TUNAR: variants seen among roughly 807,000 people sequenced by gnomAD.
The protein encoded by TUNAR is protein TUNAR.
At chr14:95,887,104 A>G (rs1274564283) in intron 2 of TUNAR, among the ~76,000 whole-genome samples, 3 of 152,210 alleles carry the variant, frequency 2.0e-5, no homozygotes, top group African/African-American at 7.2e-5. Flanking sequence ...TTGGAGCTCT[A>G]GGGCTCCTGA....
intron 2 of TUNAR, among the ~76,000 whole-genome samples, chr14:95,907,539 C>T (rs1297400716): frequency 6.6e-6 from 1 of 152,096 alleles, no homozygotes; most frequent in Non-Finnish European, 1.5e-5. Context: ...GGTGCCTTTG[C>T]CCAAGTTCTT....
intron 2 of TUNAR, among the ~76,000 whole-genome samples, chr14:95,912,059 C>T (rs564982704): frequency 6.6e-6 from 1 of 152,270 alleles, no homozygotes; most frequent in Non-Finnish European, 1.5e-5. Context: ...TGTCACTTGG[C>T]TGGTGAGGTT....
chr14:95,876,786 C>G (rs1055920636), intron 1 of TUNAR, 46 bp from the exon 1 acceptor site: 6 of 152,212 alleles, frequency 3.9e-5, no homozygotes, highest in African/African-American at 1.4e-4. Flanking sequence ...TGCTGGCGCC[C>G]GGCCCCCGCG....
chr14:95,904,085 C>T (rs1380995792), intron 2 of TUNAR, among the ~76,000 whole-genome samples: 1 of 152,236 alleles, frequency 6.6e-6, no homozygotes, highest in Admixed American at 6.5e-5. Context: ...CTATAATCCC[C>T]CATTGCTGGG....
intron 2 of TUNAR, among the ~76,000 whole-genome samples, chr14:95,919,901 A>C (rs1889662812): frequency 6.6e-6 from 1 of 152,168 alleles, no homozygotes. Context: ...ATGTTAAAAA[A>C]CTTAATATGA....
intron 2 of TUNAR, among the ~76,000 whole-genome samples, chr14:95,879,574 C>T (rs1337029772): frequency 6.6e-6 from 1 of 152,180 alleles, no homozygotes; most frequent in East Asian, 1.9e-4. Context: ...CATCACAAAA[C>T]ATTACTCTTG....
chr14:95,893,723 G>A (rs968343466), intron 2 of TUNAR, among the ~76,000 whole-genome samples: 1 of 152,192 alleles, frequency 6.6e-6, no homozygotes, highest in African/African-American at 2.4e-5. Flanking sequence ...ACCTTCCCAG[G>A]AGCATTTGAA....
intron 2 of TUNAR, among the ~76,000 whole-genome samples, chr14:95,922,147 C>A (rs73338791): frequency 0.026 from 4,028 of 152,296 alleles, 188 homozygotes; most frequent in African/African-American, 0.09. Flanking sequence ...ACTTTTCTAG[C>A]TAATGCCTGG....
intron 2 of TUNAR, among the ~76,000 whole-genome samples, chr14:95,878,978 A>T (rs1415088092): frequency 6.6e-6 from 1 of 151,812 alleles, no homozygotes; most frequent in Non-Finnish European, 1.5e-5. Flanking sequence ...TACTGCAAAT[A>T]AATAAAGTGA....
exon 3 of TUNAR, chr14:95,924,616 A>G (rs772104069): frequency 1.2e-4 from 19 of 152,290 alleles, no homozygotes; most frequent in Admixed American, 3.3e-4. Context: ...GGCACGTCTC[A>G]CATGGTGGCA....
At chr14:95,898,855 C>G (rs1434154605) in intron 2 of TUNAR, among the ~76,000 whole-genome samples, 1 of 152,214 alleles carries the variant, frequency 6.6e-6, no homozygotes, top group Non-Finnish European at 1.5e-5. Context: ...GCTCTTCCTG[C>G]TGCTCACTTT....
chr14:95,921,639 C>T (rs1195062321), intron 2 of TUNAR, among the ~76,000 whole-genome samples: 1 of 152,222 alleles, frequency 6.6e-6, no homozygotes, highest in Non-Finnish European at 1.5e-5. Context: ...TGACTAGTAT[C>T]TGAAGGCCAC....
At chr14:95,913,173 T>G (rs1889546251) in intron 2 of TUNAR, among the ~76,000 whole-genome samples, 1 of 150,224 alleles carries the variant, frequency 6.7e-6, no homozygotes, top group African/African-American at 2.5e-5. Context: ...CTACTCTAAG[T>G]TCTGGGATAC....
At chr14:95,917,052 A>G (rs1889616390) in intron 2 of TUNAR, among the ~76,000 whole-genome samples, 1 of 152,094 alleles carries the variant, frequency 6.6e-6, no homozygotes, top group East Asian at 1.9e-4. Flanking sequence ...TATTTTTTTG[A>G]TAAACAGATA....
rs964454415 is a variant in TUNAR at position 95,895,346 on chromosome 14, T to G, written c.12+18169T>G. On this transcript the variant is annotated intron_variant, in intron 2 of 2. Transcript: ENST00000678517. The surrounding 1 kb of genome is among the most constrained non-coding windows in gnomAD (Gnocchi z 4.5). ...CTGGTTTGATAGAGTGAGGGAAGTG[T>G]GGGGCCCTGTTTTAGCTCCGTAGCC... 6.6e-6 allele frequency among the ~76,000 whole-genome samples: 1 copy of G among 152,094 alleles called. No individual in the cohort carries two copies. The highest frequency in any genetic ancestry group is 1.5e-5 in the Non-Finnish European group (1 of 68,006).
At chr14:95,892,605 A>C (rs988719883) in intron 2 of TUNAR, among the ~76,000 whole-genome samples, 6 of 152,208 alleles carry the variant, frequency 3.9e-5, no homozygotes, top group Non-Finnish European at 7.3e-5. Flanking sequence ...TCCCCACCAG[A>C]TGACAAGCGT....
intron 2 of TUNAR, among the ~76,000 whole-genome samples, chr14:95,902,237 A>ATT (rs1426841869): frequency 5.3e-5 from 8 of 152,028 alleles, no homozygotes; most frequent in African/African-American, 1.9e-4. Context: ...CTGGACAAGT[A>ATT]TTGGATCAAA....
intron 2 of TUNAR, among the ~76,000 whole-genome samples, chr14:95,880,899 G>C (rs1440626454): frequency 6.6e-6 from 1 of 152,216 alleles, no homozygotes; most frequent in East Asian, 1.9e-4. Flanking sequence ...CTGCAAAGTA[G>C]ACATTGTGAA....
intron 2 of TUNAR, among the ~76,000 whole-genome samples, chr14:95,896,210 T>G (rs906514977): frequency 1.3e-5 from 2 of 152,190 alleles, no homozygotes; most frequent in Non-Finnish European, 2.9e-5. Context: ...TCAACGATTA[T>G]GCAGTGAGCT....
Sources: gnomAD v4.1 joint callset for allele counts (sites outside exome capture counted in the v4.1 genomes callset) on GRCh38, gnomAD v4.1.1 for gene constraint, Gnocchi (gnomAD v3.1) non-coding constraint, MANE v1.5 for transcripts, NCBI Gene and HGNC (gene_info 2026-07-23, HGNC 2026-07-21) for gene names.